LUZP2: variants seen among roughly 807,000 people sequenced by gnomAD.
LUZP2 encodes the protein leucine zipper protein 2.
Under a neutral mutation model 51.6 loss-of-function variants are expected in LUZP2, and 52 were observed. The observed-to-expected ratio is 1.01, with a 90% CI of 0.81 to 1.27. The LOEUF (loss-of-function observed/expected upper bound fraction) is 1.27. Ranked by LOEUF, LUZP2 falls within the 50% of genes most tolerant of loss-of-function variation. The probability of loss-of-function intolerance (pLI) is 0.00; values close to 1 mark genes in which losing one functional copy is unlikely to be tolerated. For synonymous variants in LUZP2, 154 were observed against 137.3 expected (o/e 1.12, Z -0.85); for missense variants, 436 against 395.4 (o/e 1.10, Z -0.87).
chr11:24,807,763 C>T (rs928255446), intron 5 of LUZP2, among the ~76,000 whole-genome samples: 2 of 152,048 alleles, frequency 1.3e-5, no homozygotes, highest in Non-Finnish European at 2.9e-5. Context: ...GGTCTTATGA[C>T]CTACTTTTCA....
intron 4 of LUZP2, among the ~76,000 whole-genome samples, chr11:24,748,331 G>A (rs574338390): frequency 2.8e-4 from 43 of 152,296 alleles, no homozygotes; most frequent in Admixed American, 5.9e-4. Flanking sequence ...CACAGTCAGG[G>A]TGTGTGTTCA....
intron 5 of LUZP2, among the ~76,000 whole-genome samples, chr11:24,788,677 A>G (rs1333964046): frequency 1.3e-5 from 2 of 152,148 alleles, no homozygotes; most frequent in East Asian, 1.9e-4. Context: ...TTTATTTTCA[A>G]TAATTGCTTC....
intron 5 of LUZP2, among the ~76,000 whole-genome samples, chr11:24,793,924 AT>A (rs35636524): frequency 0.18 from 26,770 of 152,048 alleles, 2,429 homozygotes; most frequent in Middle Eastern, 0.28. Flanking sequence ...TGACTAACCA[AT>A]TATTATATTC....
In LUZP2 at chr11:24,914,523, G is replaced by A. The variant is rs766568583; in HGVS notation, c.507G>A (p.Lys169=). The change falls in exon 7 of 12, where the codon AAG becomes AAA. Residue 169 remains lysine, a synonymous_variant. Coordinates refer to ENST00000336930, the MANE Select transcript of LUZP2 (RefSeq NM_001009909.4). The stretch of plus-strand genomic sequence containing the variant: ...TGAAGGAGCTTCGTTATGGGAAGAA[G>A]GATTTATTATTTAAGGTGAGTCTCT... ...AQLKELRYGK[K]DLLFKAQQLT... The A allele has an allele frequency of 6.2e-7, 1 of 1,607,640 alleles. No homozygotes were observed. Among genetic ancestry groups the A allele is most frequent in the East Asian group, 2.2e-5 (1 of 44,448 alleles).
chr11:24,917,256 G>A (rs183802535), intron 7 of LUZP2, among the ~76,000 whole-genome samples: 184 of 151,980 alleles, frequency 1.2e-3, no homozygotes, highest in Admixed American at 4.7e-3. Context: ...TGAGTAGATT[G>A]CAAAAATTTT....
At chr11:24,653,313 A>G (rs1855693765) in intron 1 of LUZP2, among the ~76,000 whole-genome samples, 3 of 152,178 alleles carry the variant, frequency 2.0e-5, no homozygotes, top group Admixed American at 2.0e-4. Flanking sequence ...TGAGACAGAT[A>G]AGTCACAGGA....
chr11:25,011,576 A>T (rs542982042), intron 9 of LUZP2, among the ~76,000 whole-genome samples: 13 of 152,272 alleles, frequency 8.5e-5, no homozygotes, highest in African/African-American at 2.6e-4. Flanking sequence ...AAAATATTCT[A>T]ATTTTTATAT....
At chr11:24,543,959 G>A (rs1414521927) in intron 1 of LUZP2, among the ~76,000 whole-genome samples, 1 of 151,724 alleles carries the variant, frequency 6.6e-6, no homozygotes, top group Non-Finnish European at 1.5e-5. Flanking sequence ...CGGTCATTGT[G>A]TAACTGGCTC....
chr11:24,635,386 C>G (rs2133934700), intron 1 of LUZP2, among the ~76,000 whole-genome samples: 1 of 151,090 alleles, frequency 6.6e-6, no homozygotes, highest in Admixed American at 6.6e-5. Context: ...ATGTTATAAG[C>G]AACATGTAAG....
chr11:24,835,416 A>G (rs902455064), intron 5 of LUZP2, among the ~76,000 whole-genome samples: 8 of 152,326 alleles, frequency 5.3e-5, no homozygotes, highest in African/African-American at 1.9e-4. Context: ...CTTCATGACT[A>G]AAACACCAAA....
rs369534608 is a variant in LUZP2 at position 24,664,944 on chromosome 11, C to T, written c.63-64225C>T. 6.6e-5 allele frequency among the ~76,000 whole-genome samples: 10 copies of T among 152,258 alleles called. No homozygotes were observed. The East Asian group carries it at 7.8e-4, about 12-fold the overall frequency. On this transcript the variant is annotated intron_variant, in intron 1 of 11. Transcript: ENST00000336930. ...ACACAGAGTCCCCATGGGGTCACTG[C>T]CTGGTGGAGCTATGAAAAGAGGTCC...
At chr11:25,077,305 TA>T (rs767213296) in intron 10 of LUZP2, 23 bp from the exon 11 acceptor site, 1 of 1,564,620 alleles carries the variant, frequency 6.4e-7, no homozygotes, top group South Asian at 1.1e-5. Flanking sequence ...TTCATTGATG[TA>T]TTTTTAATTG....
At chr11:24,776,354 AT>A (rs34305861) in intron 5 of LUZP2, among the ~76,000 whole-genome samples, 12,198 of 152,176 alleles carry the variant, frequency 0.08, 1,059 homozygotes, top group African/African-American at 0.22. Context: ...GTCAACCACC[AT>A]GGTCAGGGAA....
intron 1 of LUZP2, among the ~76,000 whole-genome samples, chr11:24,695,802 G>A (rs73437117): frequency 0.012 from 1,885 of 152,054 alleles, 47 homozygotes; most frequent in African/African-American, 0.044. Context: ...TAAGATGAGT[G>A]ATTTTGACAG....
intron 9 of LUZP2, among the ~76,000 whole-genome samples, chr11:25,038,877 TC>T (rs1196739005): frequency 6.6e-6 from 1 of 152,208 alleles, no homozygotes; most frequent in Non-Finnish European, 1.5e-5. Flanking sequence ...GTTGCTGAAT[TC>T]TTGCTCTTGG....
intron 5 of LUZP2, among the ~76,000 whole-genome samples, chr11:24,770,014 G>T (rs1035536874): frequency 1.3e-5 from 2 of 152,070 alleles, no homozygotes; most frequent in South Asian, 2.1e-4. Flanking sequence ...GGCTGGTCTC[G>T]AACTCCTGAC....
chr11:24,501,717 C>G (rs1367765172), intron 1 of LUZP2, among the ~76,000 whole-genome samples: 2 of 152,092 alleles, frequency 1.3e-5, no homozygotes, highest in Non-Finnish European at 2.9e-5. Flanking sequence ...AATGTGCCTG[C>G]TATCAGTCAG....
chr11:24,518,675 C>G (rs1395222695), intron 1 of LUZP2, among the ~76,000 whole-genome samples: 1 of 152,052 alleles, frequency 6.6e-6, no homozygotes, highest in African/African-American at 2.4e-5. Flanking sequence ...CTGTTTGTGC[C>G]TAGTTCAAAG....
chr11:24,543,048 T>C (rs998740390), intron 1 of LUZP2, among the ~76,000 whole-genome samples: 1 of 151,954 alleles, frequency 6.6e-6, no homozygotes, highest in Non-Finnish European at 1.5e-5. Flanking sequence ...TACCGGTGTG[T>C]TCATAACACT....
Sources: gnomAD v4.1 joint callset for allele counts (sites outside exome capture counted in the v4.1 genomes callset) on GRCh38, gnomAD v4.1.1 for gene constraint, MANE v1.5 for transcripts, NCBI Gene and HGNC (gene_info 2026-07-23, HGNC 2026-07-21) for gene names.